The following ANGPTL6 variants were observed in gnomAD, a reference collection of about 807,000 sequenced individuals.
ANGPTL6 encodes angiopoietin-related protein 6.
Under a neutral mutation model 47.4 loss-of-function variants are expected in ANGPTL6, and 45 were observed. That is an observed-to-expected ratio of 0.95 (90% CI 0.75 to 1.22). The LOEUF is 1.22. ANGPTL6 is among the 50% of genes most tolerant of loss of function. The pLI is 0.00. For synonymous variants in ANGPTL6, 290 were observed against 295.9 expected, an observed-to-expected ratio of 0.98 and a Z score of 0.20; for missense variants, 698 against 669.4, an observed-to-expected ratio of 1.04 and a Z score of -0.47.
intron 5 of ANGPTL6, 63 bp downstream of exon 5, chr19:10,093,286 T>C: frequency 6.4e-7 from 1 of 1,557,898 alleles, no homozygotes; most frequent in Non-Finnish European, 8.7e-7. Flanking sequence ...CTCCTTTCAT[T>C]CCCTCACCAG....
chr19:10,105,862 G>A (rs1051144760), upstream of ANGPTL6, among the ~76,000 whole-genome samples: 1 of 152,228 alleles, frequency 6.6e-6, no homozygotes, highest in African/African-American at 2.4e-5. Context: ...TTTCCAGAAG[G>A]TGATGTGGAG....
At chr19:10,099,224 C>A (rs928544750) in intron 1 of ANGPTL6, among the ~76,000 whole-genome samples, 1 of 152,094 alleles carries the variant, frequency 6.6e-6, no homozygotes, top group African/African-American at 2.4e-5. Context: ...CCCTCCTCTG[C>A]CCTGAATCCT....
At position 10,094,936 on chromosome 19, in the gene ANGPTL6, G is replaced by A; in HGVS notation, c.585C>T (p.Val195=). Residue 195 remains valine (V), a splice_region_variant and synonymous_variant, in exon 3 of 6, where the codon GTC becomes GTT. Transcript: ENST00000253109. ...CPGGAGGQQQ[V]LPPPPLVPVV... is the part of the protein sequence containing the mutation. ...CAGGCACCAGTGGGGGTGGCGGCAG[G>A]ACCTGGGGTGACGGAGAAAGTCAGG... 6.3e-7 allele frequency: 1 copy of A among 1,599,956 alleles called. No individual in the cohort carries two copies. The highest frequency in any genetic ancestry group is 8.5e-7 in the Non-Finnish European group (1 of 1,171,796).
chr19:10,096,274 C>T lies in ANGPTL6; in HGVS notation c.290G>A (p.Arg97His), dbSNP rs1206120969. 2.5e-6 allele frequency: 3 copies of T among 1,206,324 alleles called. No individual in the cohort carries two copies. The highest frequency in any genetic ancestry group is 7.1e-5 in the East Asian group (2 of 28,090). The allele number at this position is 1,206,324 out of a possible 1,614,324, so 74.7% of individuals were successfully genotyped here. A position where few individuals can be genotyped will look rare whatever the true frequency, so the allele number is the denominator to read the frequency against. ...GAVAGEVRAL[R>H]KESRGLSARL... ...CGCGCTCAGGCCGCGGCTCTCCTTGCGCAGCGCGCGCACCTCGCCGGCCAC... is the reference window on the plus strand; with the variant it reads ...CGCGCTCAGGCCGCGGCTCTCCTTGTGCAGCGCGCGCACCTCGCCGGCCAC... Residue 97 changes from arginine (R) to histidine (H), a missense_variant, in exon 2 of 6, where the codon CGC becomes CAC. Arg to His is a conservative substitution (Grantham distance 29). Coordinates refer to ENST00000253109, the MANE Select transcript of ANGPTL6 (RefSeq NM_031917.3).
rs1319267204 is a variant in ANGPTL6 at position 10,096,379 on chromosome 19, A to C, written c.185T>G (p.Leu62Arg). 6 of 1,297,592 alleles carry C rather than the reference A, an allele frequency of 4.6e-6. No individual in the cohort carries two copies. The highest frequency in any genetic ancestry group is 4.2e-5 in the Admixed American group (1 of 23,832). The allele number at this position is 1,297,592 out of a possible 1,614,324, so 80.4% of individuals were successfully genotyped here. The change falls in exon 2 of 6, where the codon CTG becomes CGG. Residue 62 changes from leucine to arginine, a missense_variant. Leu to Arg is a moderately radical substitution (Grantham distance 102). Transcript: ENST00000253109. ...GCCGACGCGCATGCGCAGCGCCGCCAGCTCGCTGGCGTTGGCGGCCTCGGG... is the reference window on the plus strand; with the variant it reads ...GCCGACGCGCATGCGCAGCGCCGCCCGCTCGCTGGCGTTGGCGGCCTCGGG... ...ATPEAANASELAALRMRVGRH... is the reference protein window; with the variant it reads ...ATPEAANASERAALRMRVGRH...
At chr19:10,094,097 T>C (rs965189358) in intron 3 of ANGPTL6, among the ~76,000 whole-genome samples, 1 of 152,110 alleles carries the variant, frequency 6.6e-6, no homozygotes, top group Non-Finnish European at 1.5e-5. Flanking sequence ...GCCATTTCTT[T>C]ACCTAAGAAT....
chr19:10,093,956 A>C, intron 3 of ANGPTL6, 76 bp from the exon 4 acceptor site: 25 of 1,465,982 alleles, frequency 1.7e-5, no homozygotes, highest in East Asian at 2.3e-5. Flanking sequence ...CAAGATTCTC[A>C]CAGGTCCTCT....
chr19:10,105,727 G>C (rs2088804218), upstream of ANGPTL6, among the ~76,000 whole-genome samples: 1 of 152,100 alleles, frequency 6.6e-6, no homozygotes, highest in Non-Finnish European at 1.5e-5. Flanking sequence ...GCCCAGTGAG[G>C]GGGTGTCCCT....
chr19:10,105,894 G>A (rs889111458), upstream of ANGPTL6, among the ~76,000 whole-genome samples: 3 of 152,218 alleles, frequency 2.0e-5, no homozygotes, highest in African/African-American at 7.2e-5. Flanking sequence ...CAGCCTGTCT[G>A]CAGACAGGGG....
At chr19:10,095,127 G>T (rs372656859) in intron 2 of ANGPTL6, among the ~76,000 whole-genome samples, 189 bp from the exon 3 acceptor site, 1 of 152,104 alleles carries the variant, frequency 6.6e-6, no homozygotes, top group African/African-American at 2.4e-5. Context: ...GTGCAGACAG[G>T]CTGGGCGCTA....
chr19:10,104,648 A>T (rs1490656844), upstream of ANGPTL6, among the ~76,000 whole-genome samples: 1 of 152,178 alleles, frequency 6.6e-6, no homozygotes, highest in East Asian at 1.9e-4. Flanking sequence ...TCATAAATAA[A>T]GGATATCTCA....
In ANGPTL6 at chr19:10,093,267, C is replaced by T. The variant is rs1477649613; in HGVS notation, c.1222+82G>A. The T allele has an allele frequency of 3.3e-6, 5 of 1,523,926 alleles. No homozygotes were observed. The East Asian group carries it at 1.1e-4, about 35-fold the overall frequency. 94.4% of individuals were successfully genotyped at this position (1,523,926 alleles called of 1,614,324 possible). On this transcript the variant is annotated intron_variant, in intron 5 of 5. Transcript: ENST00000253109. ...TATACTTACCAGAGGGGCGTCTTAC[C>T]TACCCTACCTCCTTTCATTCCCTCA...
At chr19:10,099,576 CAAAAAAA>C (rs34627650) in intron 1 of ANGPTL6, among the ~76,000 whole-genome samples, 10 of 53,290 alleles carry the variant, frequency 1.9e-4, no homozygotes, top group Non-Finnish European at 2.3e-4. Context: ...GACTCCATCT[CAAAAAAA>C]AAAAAAAAAA....
intron 5 of ANGPTL6, 45 bp from the exon 6 acceptor site, chr19:10,092,824 C>T (rs2145163217): frequency 6.7e-7 from 1 of 1,490,970 alleles, no homozygotes. Context: ...AGAATAAAAG[C>T]CTCTACCTGC....
At chr19:10,099,953 G>A (rs1468915117) in intron 1 of ANGPTL6, among the ~76,000 whole-genome samples, 4 of 147,764 alleles carry the variant, frequency 2.7e-5, no homozygotes, top group Admixed American at 1.3e-4. Flanking sequence ...TCCACCTCCC[G>A]GGTTCAAGTG....
chr19:10,098,345 T>G (rs1336876884), intron 1 of ANGPTL6, among the ~76,000 whole-genome samples: 1 of 150,656 alleles, frequency 6.6e-6, no homozygotes, highest in Non-Finnish European at 1.5e-5. Context: ...GAGCAAACCC[T>G]GTCTCTTAAA....
chr19:10,103,639 A>G (rs946544396), upstream of ANGPTL6, among the ~76,000 whole-genome samples: 1 of 147,154 alleles, frequency 6.8e-6, no homozygotes, highest in Non-Finnish European at 1.5e-5. Context: ...AATAAATAAT[A>G]ATAAAGTGAG....
In ANGPTL6 at chr19:10,096,468, C is replaced by G. The variant is rs2088547353; in HGVS notation, c.96G>C (p.Val32=). 1.3e-6 allele frequency: 2 copies of G among 1,488,950 alleles called. No individual in the cohort carries two copies. The highest frequency in any genetic ancestry group is 2.3e-5 in the Admixed American group (1 of 43,738). 92.2% of individuals were successfully genotyped at this position (1,488,950 alleles called of 1,614,324 possible). A position where few individuals can be genotyped will look rare whatever the true frequency, so the allele number is the denominator to read the frequency against. Residue 32 remains valine, a synonymous_variant, in exon 2 of 6, where the codon GTG becomes GTC. Coordinates refer to ENST00000253109, the MANE Select transcript of ANGPTL6 (RefSeq NM_031917.3). Reference sequence around the variant, plus strand: ...CGCCCGTGAACTTCTGCGGGGGCAGCACGAAGGTGTAGGTGCAGCGCGGGG... The same window carrying G: ...CGCCCGTGAACTTCTGCGGGGGCAGGACGAAGGTGTAGGTGCAGCGCGGGG... The part of the protein sequence containing the change: ...AGAPRCTYTF[V]LPPQKFTGAV...
chr19:10,093,832 C>T lies in ANGPTL6; in HGVS notation c.812G>A (p.Ser271Asn). ...AEARQAGHEQ[S>N]GVYELRVGRH... is the part of the protein sequence containing the mutation. Reference sequence around the variant, plus strand: ...GCCCACTCGCAGTTCATACACTCCACTCTGTTCATGGCCTGCCTGGCGGGC... The same window carrying T: ...GCCCACTCGCAGTTCATACACTCCATTCTGTTCATGGCCTGCCTGGCGGGC... Residue 271 changes from serine to asparagine, a missense_variant, in exon 4 of 6, where the codon AGT (serine) becomes AAT (asparagine). Coordinates refer to ENST00000253109, the MANE Select transcript of ANGPTL6 (RefSeq NM_031917.3). 3 of 1,613,094 alleles carry T rather than the reference C, an allele frequency of 1.9e-6. No individual in the cohort carries two copies. The highest frequency in any genetic ancestry group is 2.5e-6 in the Non-Finnish European group (3 of 1,180,044).
Sources: allele counts gnomAD v4.1 joint callset (sites outside exome capture counted in the v4.1 genomes callset), GRCh38; gene constraint gnomAD v4.1.1; transcripts MANE v1.5; gene names NCBI Gene and HGNC (gene_info 2026-07-23, HGNC 2026-07-21).